The following SGCD variants were observed in gnomAD, a reference collection of about 807,000 sequenced individuals.
SGCD encodes sarcoglycan delta, also known as delta-sarcoglycan.
SGCD carries 18 observed loss-of-function variants against 36.6 expected under a neutral mutation model. The observed-to-expected ratio is 0.49, with a 90% CI of 0.34 to 0.73. SGCD has a LOEUF of 0.73. Ranked by LOEUF, SGCD falls within the 30% of genes least tolerant of loss-of-function variation. The pLI is 0.01. For synonymous variants in SGCD, 133 were observed against 130.6 expected (o/e 1.02, Z -0.12); for missense variants, 387 against 346.7 (o/e 1.12, Z -0.92).
the SGCD span, among the ~76,000 whole-genome samples, chr5:155,797,460 A>G: frequency 2.6e-5 from 4 of 152,248 alleles, no homozygotes; most frequent in Non-Finnish European, 4.4e-5. Context: ...TTTTAAGTAT[A>G]TAGCCATGGT....
At chr5:156,416,061 C>T (rs1054532630) in intron 3 of SGCD, among the ~76,000 whole-genome samples, 1 of 152,164 alleles carries the variant, frequency 6.6e-6, no homozygotes, top group African/African-American at 2.4e-5. Flanking sequence ...CTCTAATAAT[C>T]ATCACTGCAC....
intron 3 of SGCD, among the ~76,000 whole-genome samples, chr5:156,273,088 G>T: frequency 6.6e-6 from 1 of 152,156 alleles, no homozygotes; most frequent in East Asian, 1.9e-4. Context: ...GCATAGAAGA[G>T]AAACTATTGG....
chr5:155,950,916 A>G (rs970127509), intron 1 of SGCD, among the ~76,000 whole-genome samples: 1 of 152,280 alleles, frequency 6.6e-6, no homozygotes, highest in Non-Finnish European at 1.5e-5. Context: ...TGGTTTTAAA[A>G]GCATGTTTTG....
At chr5:156,687,856 C>A (rs771097834) in intron 7 of SGCD, among the ~76,000 whole-genome samples, 1 of 152,182 alleles carries the variant, frequency 6.6e-6, no homozygotes, top group Non-Finnish European at 1.5e-5. Context: ...TGGTAACCAT[C>A]GTTCGTTACC....
At chr5:155,736,759 T>C in the SGCD span, among the ~76,000 whole-genome samples, 1 of 152,188 alleles carries the variant, frequency 6.6e-6, no homozygotes, top group Non-Finnish European at 1.5e-5. Flanking sequence ...ATCCACTATG[T>C]GCCAACATGG....
At chr5:156,454,656 AG>A (rs1754173530) in intron 3 of SGCD, among the ~76,000 whole-genome samples, 1 of 152,154 alleles carries the variant, frequency 6.6e-6, no homozygotes, top group Non-Finnish European at 1.5e-5. Context: ...CATGGGGTGC[AG>A]GTGAGCCAGG....
chr5:156,560,865 C>T (rs1374778255), intron 4 of SGCD, among the ~76,000 whole-genome samples: 1 of 152,146 alleles, frequency 6.6e-6, no homozygotes, highest in Non-Finnish European at 1.5e-5. Context: ...TCAGTTTTCT[C>T]ACCCAAAAGA....
At chr5:156,532,785 C>T (rs1223128989) in intron 4 of SGCD, among the ~76,000 whole-genome samples, 2 of 152,080 alleles carry the variant, frequency 1.3e-5, no homozygotes, top group African/African-American at 4.8e-5. Context: ...TTATAGTGAC[C>T]TTATAAAGGC....
chr5:156,220,428 A>C (rs1764688830), intron 3 of SGCD, among the ~76,000 whole-genome samples: 1 of 152,186 alleles, frequency 6.6e-6, no homozygotes, highest in Non-Finnish European at 1.5e-5. Context: ...TATAAATCAA[A>C]ATCTTCAGGT....
the SGCD span, among the ~76,000 whole-genome samples, chr5:155,850,958 G>A: frequency 1.3e-5 from 2 of 152,154 alleles, no homozygotes; most frequent in Admixed American, 6.6e-5. Context: ...CAATGGGGTT[G>A]GGGGAAGTCT....
the SGCD span, among the ~76,000 whole-genome samples, chr5:155,735,818 G>A: frequency 6.6e-6 from 1 of 152,120 alleles, no homozygotes; most frequent in Non-Finnish European, 1.5e-5. Context: ...AGGTTTTATG[G>A]GCTTTTTGGA....
intron 7 of SGCD, among the ~76,000 whole-genome samples, chr5:156,678,001 G>C (rs997552237): frequency 2.0e-5 from 3 of 152,172 alleles, no homozygotes; most frequent in African/African-American, 7.2e-5. Context: ...TGCTAAGCCA[G>C]TGATTCCCAA....
At chr5:156,143,458 C>T (rs1205652864) in intron 3 of SGCD, among the ~76,000 whole-genome samples, 1 of 152,172 alleles carries the variant, frequency 6.6e-6, no homozygotes, top group Non-Finnish European at 1.5e-5. Context: ...CCCTCCAGCC[C>T]CCAGAATGGT....
At chr5:155,879,100 C>G (rs969689994) in intron 1 of SGCD, among the ~76,000 whole-genome samples, 9 of 151,992 alleles carry the variant, frequency 5.9e-5, no homozygotes, top group African/African-American at 1.9e-4. Context: ...AGTATTTGGA[C>G]TGGAGGCTAG....
rs202044051 is a variant in SGCD at position 156,663,744 on chromosome 5, G to T, written c.575+16208G>T. Among the ~76,000 whole-genome samples the T allele has an allele frequency of 1.4e-4, 20 of 147,470 alleles. No homozygotes were observed. The East Asian group carries it at 3.8e-3, about 28-fold the overall frequency. On this transcript the variant is annotated intron_variant, in intron 7 of 8. Coordinates refer to ENST00000337851, the MANE Select transcript of SGCD (RefSeq NM_000337.6). ...ATTTTTTGTGGGGGCTCCCCTGGAA[G>T]CAGAGAGACTGCTTGTATAGTACAT...
chr5:156,431,197 CAG>C (rs1038364057), intron 3 of SGCD, among the ~76,000 whole-genome samples: 2 of 152,168 alleles, frequency 1.3e-5, no homozygotes, highest in African/African-American at 4.8e-5. Flanking sequence ...TTTGGCTATT[CAG>C]ATCAGACAGG....
intron 7 of SGCD, among the ~76,000 whole-genome samples, chr5:156,657,211 T>C (rs1014651839): frequency 1.3e-5 from 2 of 151,914 alleles, no homozygotes; most frequent in Non-Finnish European, 2.9e-5. Flanking sequence ...ATTGGATAAA[T>C]AGTCTGACTT....
intron 7 of SGCD, among the ~76,000 whole-genome samples, chr5:156,733,045 A>C (rs1047719063): frequency 7.9e-5 from 12 of 152,006 alleles, no homozygotes; most frequent in African/African-American, 2.9e-4. Context: ...ATTTTTTTGA[A>C]GGGTTTTTCA....
intron 1 of SGCD, among the ~76,000 whole-genome samples, chr5:156,010,208 T>A (rs1451048233): frequency 6.6e-6 from 1 of 152,210 alleles, no homozygotes; most frequent in Non-Finnish European, 1.5e-5. Flanking sequence ...TTCGGCCTAT[T>A]ATAGAGATTC....
Sources: allele counts gnomAD v4.1 joint callset (sites outside exome capture counted in the v4.1 genomes callset), GRCh38; gene constraint gnomAD v4.1.1; transcripts MANE v1.5; gene names NCBI Gene and HGNC (gene_info 2026-07-23, HGNC 2026-07-21).